The following EPM2A variants were observed in gnomAD, a reference collection of about 807,000 sequenced individuals.
The protein encoded by EPM2A is laforin.
A neutral mutation model predicts 26.5 loss-of-function variants in EPM2A; 21 were observed. That is an observed-to-expected ratio of 0.79 (90% CI 0.56 to 1.14). The LOEUF (loss-of-function observed/expected upper bound fraction) is 1.14, where lower values mean the gene tolerates loss of function less well. EPM2A is among the 50% of genes most tolerant of loss of function. The probability of loss-of-function intolerance (pLI) is 0.00; values close to 1 mark genes in which losing one functional copy is unlikely to be tolerated. For synonymous variants in EPM2A, 217 were observed against 177.6 expected, an observed-to-expected ratio of 1.22 and a Z score of -1.76; for missense variants, 458 against 440.8, an observed-to-expected ratio of 1.04 and a Z score of -0.35.
intron 2 of EPM2A, among the ~76,000 whole-genome samples, chr6:145,552,762 G>A (rs1463290324): frequency 3.3e-5 from 5 of 152,042 alleles, no homozygotes; most frequent in Non-Finnish European, 5.9e-5. Context: ...AATAGTATAT[G>A]TTTCTACCCA....
chr6:145,460,479 G>A (rs1465490679), intron 4 of EPM2A, among the ~76,000 whole-genome samples: 1 of 152,164 alleles, frequency 6.6e-6, no homozygotes, highest in Non-Finnish European at 1.5e-5. Context: ...CTGGATGGAG[G>A]TGGGTAAGAT....
intron 2 of EPM2A, among the ~76,000 whole-genome samples, chr6:145,564,177 T>C (rs1780848117): frequency 6.6e-6 from 1 of 152,248 alleles, no homozygotes; most frequent in Admixed American, 6.5e-5. Flanking sequence ...ATTTTTAATC[T>C]GCAGTTGATT....
intron 2 of EPM2A, among the ~76,000 whole-genome samples, chr6:145,597,474 TTTC>T (rs1355083532): frequency 0.018 from 2,453 of 138,438 alleles, 20 homozygotes; most frequent in Admixed American, 0.024. Context: ...TTTATTTTTT[TTTC>T]TTTTTTTTGG....
At chr6:145,723,952 T>A (rs1029173489) in intron 1 of EPM2A, among the ~76,000 whole-genome samples, 1 of 152,098 alleles carries the variant, frequency 6.6e-6, no homozygotes, top group African/African-American at 2.4e-5. Flanking sequence ...AAAGAAAAAT[T>A]TCTGAAAATT....
intron 2 of EPM2A, among the ~76,000 whole-genome samples, chr6:145,579,813 C>T (rs1243830677): frequency 6.6e-6 from 1 of 151,926 alleles, no homozygotes; most frequent in East Asian, 1.9e-4. Flanking sequence ...ATTTTATTTG[C>T]ATTCTGTCTT....
chr6:145,466,153 T>A (rs1779389449), intron 4 of EPM2A, among the ~76,000 whole-genome samples: 1 of 137,458 alleles, frequency 7.3e-6, no homozygotes. Flanking sequence ...CTAATTAAAC[T>A]CAAGAGCTTC....
At chr6:145,676,575 A>C (rs1173690129) in intron 2 of EPM2A, among the ~76,000 whole-genome samples, 2 of 152,156 alleles carry the variant, frequency 1.3e-5, no homozygotes, top group African/African-American at 4.8e-5. Flanking sequence ...AATAGACACA[A>C]CAAAAAAATG....
chr6:145,706,334 T>C (rs1782220947), intron 1 of EPM2A, among the ~76,000 whole-genome samples: 3 of 152,166 alleles, frequency 2.0e-5, no homozygotes. Context: ...ACCTAATTTA[T>C]ATATATGTAA....
At chr6:145,491,097 C>T in intron 4 of EPM2A, 1 of 649,742 alleles carries the variant, frequency 1.5e-6, no homozygotes, top group Non-Finnish European at 2.8e-6. Context: ...TGCAATCTTC[C>T]TTTTATTTGG....
chr6:145,400,935 T>A (rs1778475984), intron 4 of EPM2A, among the ~76,000 whole-genome samples: 1 of 152,154 alleles, frequency 6.6e-6, no homozygotes, highest in African/African-American at 2.4e-5. Context: ...ATTTTGTGAC[T>A]TTTTGGTTGA....
At chr6:145,516,748 G>T (rs1780132977) in intron 2 of EPM2A, among the ~76,000 whole-genome samples, 1 of 152,164 alleles carries the variant, frequency 6.6e-6, no homozygotes, top group African/African-American at 2.4e-5. Context: ...TCTGCCAGGA[G>T]TGGGTATAAA....
intron 4 of EPM2A, among the ~76,000 whole-genome samples, chr6:145,456,938 T>C (rs1044056049): frequency 6.6e-6 from 1 of 152,144 alleles, no homozygotes; most frequent in African/African-American, 2.4e-5. Flanking sequence ...AAAGGAAAAG[T>C]AAGACAACGG....
intron 4 of EPM2A, among the ~76,000 whole-genome samples, chr6:145,477,202 T>C (rs1235337537): frequency 1.3e-5 from 2 of 151,618 alleles, no homozygotes; most frequent in Admixed American, 6.6e-5. Flanking sequence ...AAGTCTCAGA[T>C]ATATGCAACC....
intron 2 of EPM2A, among the ~76,000 whole-genome samples, chr6:145,562,881 G>C (rs1582855712): frequency 1.3e-5 from 2 of 151,584 alleles, no homozygotes; most frequent in East Asian, 3.9e-4. Flanking sequence ...CAAAGTTCTA[G>C]GCTGATTGGT....
chr6:145,511,267 C>G (rs1780051731), intron 2 of EPM2A, among the ~76,000 whole-genome samples: 1 of 152,082 alleles, frequency 6.6e-6, no homozygotes, highest in Non-Finnish European at 1.5e-5. Flanking sequence ...AAACTAGTAT[C>G]ATCCTGACGT....
intron 1 of EPM2A, among the ~76,000 whole-genome samples, chr6:145,709,520 C>T (rs1019403185): frequency 3.9e-5 from 6 of 152,136 alleles, no homozygotes; most frequent in African/African-American, 9.7e-5. Flanking sequence ...TCCTCTTTTG[C>T]CTTCCAACAT....
chr6:145,718,276 G>C (rs1306179474), intron 1 of EPM2A, among the ~76,000 whole-genome samples: 1 of 148,106 alleles, frequency 6.8e-6, no homozygotes, highest in Non-Finnish European at 1.5e-5. Context: ...CAGAGATATA[G>C]ATCAATGGAA....
At chr6:145,386,103 A>AC (rs1778258237) in intron 4 of EPM2A, among the ~76,000 whole-genome samples, 2 of 152,148 alleles carry the variant, frequency 1.3e-5, no homozygotes, top group African/African-American at 4.8e-5. Flanking sequence ...CTTTAAAATA[A>AC]TAAAAAAAAG....
intron 4 of EPM2A, among the ~76,000 whole-genome samples, chr6:145,476,349 A>C (rs1779542908): frequency 6.6e-6 from 1 of 152,090 alleles, no homozygotes; most frequent in Non-Finnish European, 1.5e-5. Flanking sequence ...GGAGACTTCA[A>C]TACCCCACTT....
Sources: gnomAD v4.1 joint callset for allele counts (sites outside exome capture counted in the v4.1 genomes callset) on GRCh38, gnomAD v4.1.1 for gene constraint, MANE v1.5 for transcripts, NCBI Gene and HGNC (gene_info 2026-07-23, HGNC 2026-07-21) for gene names.